The following PEAK1 variants were observed in gnomAD, a reference collection of about 807,000 sequenced individuals.
PEAK1 encodes the protein inactive tyrosine-protein kinase PEAK1.
PEAK1 carries 54 observed loss-of-function variants against 124.7 expected under a neutral mutation model. The ratio of observed to expected loss-of-function variants is 0.43; its 90% CI spans 0.35 to 0.54. The LOEUF is 0.54. Among genes scored for constraint, PEAK1 ranks in the 20% least tolerant of loss-of-function variants. The pLI is 0.01. For missense variants in PEAK1, 2,046 were observed against 2,134.5 expected, an observed-to-expected ratio of 0.96 and a Z score of 0.82; for synonymous variants, 719 against 760.0, an observed-to-expected ratio of 0.95 and a Z score of 0.89.
chr15:77,116,712 CTATCTAT>C (rs2051415443), intron 9 of PEAK1, among the ~76,000 whole-genome samples: 1 of 122,418 alleles, frequency 8.2e-6, no homozygotes, highest in Non-Finnish European at 1.8e-5. Context: ...ATCTATCTAT[CTATCTAT>C]CTATCTATCT....
At chr15:77,136,274 T>G (rs987914756) in intron 8 of PEAK1, among the ~76,000 whole-genome samples, 1 of 151,782 alleles carries the variant, frequency 6.6e-6, no homozygotes, top group Admixed American at 6.6e-5. Context: ...AGACTTAGGG[T>G]ATCTGGCAGA....
chr15:77,171,353 A>T lies in PEAK1; in HGVS notation c.3137+7437T>A, dbSNP rs57769132. ...GAAAATAATTAATCCATTTTATTTT[A>T]AAAAAAACTTGTTTTGTGGCAACAT... is the stretch of plus-strand genomic sequence containing the variant. On this transcript the variant is annotated intron_variant, in intron 7 of 9. Coordinates refer to ENST00000682557, the MANE Select transcript of PEAK1 (RefSeq NM_001385026.1). Among the ~76,000 whole-genome samples the T allele has an allele frequency of 4.9e-3, 743 of 152,154 alleles. 8 individuals are homozygous for T. The highest frequency in any genetic ancestry group is 0.016 in the African/African-American group (660 of 41,534).
At chr15:77,226,270 G>A in intron 6 of PEAK1, among the ~76,000 whole-genome samples, 1 of 148,758 alleles carries the variant, frequency 6.7e-6, no homozygotes. Flanking sequence ...GATCTGAGAT[G>A]TTTGAAAAGA....
chr15:77,387,873 C>T (rs769547048), intron 1 of PEAK1, among the ~76,000 whole-genome samples: 9 of 152,196 alleles, frequency 5.9e-5, no homozygotes, highest in Non-Finnish European at 8.8e-5. Flanking sequence ...TAAAAAGTGA[C>T]TTCAGCATTT....
intron 2 of PEAK1, chr15:77,338,088 C>G: frequency 2.0e-6 from 2 of 983,588 alleles, no homozygotes; most frequent in Non-Finnish European, 2.4e-6. Flanking sequence ...AACTGTATAC[C>G]AATGAAAGGG....
At chr15:77,388,712 C>T (rs1485094305) in intron 1 of PEAK1, among the ~76,000 whole-genome samples, 1 of 151,178 alleles carries the variant, frequency 6.6e-6, no homozygotes, top group Non-Finnish European at 1.5e-5. Context: ...GTTTCTATTT[C>T]TACATTTTCC....
In PEAK1 at chr15:77,321,139, T is replaced by C. The variant is rs564603686; in HGVS notation, c.-602-34635A>G. Among the ~76,000 whole-genome samples, 19 of 152,356 alleles carry C rather than the reference T, an allele frequency of 1.2e-4. No homozygotes were observed. The South Asian group carries it at 1.9e-3, about 15-fold the overall frequency. On this transcript the variant is annotated intron_variant, in intron 2 of 9. Transcript: ENST00000682557. ...AAACATATGTGTGCATGTGTCTTTA[T>C]AGCAGCATGATTTATAATCCTTTGG...
At chr15:77,386,306 C>T (rs1350907105) in intron 1 of PEAK1, among the ~76,000 whole-genome samples, 1 of 152,130 alleles carries the variant, frequency 6.6e-6, no homozygotes, top group Non-Finnish European at 1.5e-5. Flanking sequence ...ATGAGCATCC[C>T]AAGTATTCCT....
At chr15:77,156,212 T>C (rs1596385841) in intron 8 of PEAK1, 1 of 155,050 alleles carries the variant, frequency 6.4e-6, no homozygotes, top group Non-Finnish European at 1.4e-5. Context: ...CAGGCGCCCC[T>C]CCCCCAGCCT....
intron 6 of PEAK1, among the ~76,000 whole-genome samples, chr15:77,227,097 A>AGG (rs1180060685): frequency 6.6e-6 from 1 of 152,218 alleles, no homozygotes; most frequent in Non-Finnish European, 1.5e-5. Context: ...CAGGTCTGAG[A>AGG]GGGGGCTCAA....
chr15:77,104,095 G>C (rs528446317), downstream of PEAK1: 29 of 152,444 alleles, frequency 1.9e-4, no homozygotes, highest in South Asian at 2.1e-3. Context: ...TGGTGGTGGG[G>C]AGAACTGGCT....
At chr15:77,299,903 A>G (rs1451186654) in intron 2 of PEAK1, among the ~76,000 whole-genome samples, 1 of 152,192 alleles carries the variant, frequency 6.6e-6, no homozygotes, top group Non-Finnish European at 1.5e-5. Flanking sequence ...TTATTCAAAG[A>G]GCTACGATTT....
At chr15:77,250,473 C>T (rs1319450272) in intron 6 of PEAK1, among the ~76,000 whole-genome samples, 3 of 151,520 alleles carry the variant, frequency 2.0e-5, no homozygotes, top group Admixed American at 2.0e-4. Flanking sequence ...CGCTCTGCTG[C>T]CCAGACTGGA....
intron 1 of PEAK1, among the ~76,000 whole-genome samples, chr15:77,371,783 G>C (rs777865885): frequency 3.3e-4 from 50 of 152,334 alleles, no homozygotes; most frequent in Non-Finnish European, 5.3e-4. Context: ...AGCTACTCGG[G>C]AGGCTGAGAC....
chr15:77,180,325 T>C lies in PEAK1; in HGVS notation c.1602A>G (p.Val534=), dbSNP rs749221672. The change falls in exon 7 of 10, where the codon GTA becomes GTG. Residue 534 remains valine (V), a synonymous_variant. Coordinates refer to ENST00000682557, the MANE Select transcript of PEAK1 (RefSeq NM_001385026.1). ...QKSSAIRYQE[V]WTSSTSPRQK... Reference sequence around the variant, plus strand: ...GTCGTGGACTGGTGCTAGAAGTCCATACTTCTTGGTATCGAATTGCACTGG... The same window carrying C: ...GTCGTGGACTGGTGCTAGAAGTCCACACTTCTTGGTATCGAATTGCACTGG... 1.2e-6 allele frequency: 2 copies of C among 1,613,892 alleles called. No homozygotes were observed. The highest frequency in any genetic ancestry group is 3.3e-5 in the Admixed American group (2 of 60,026).
chr15:77,329,253 G>T (rs772458832), intron 2 of PEAK1, among the ~76,000 whole-genome samples: 7 of 152,052 alleles, frequency 4.6e-5, no homozygotes, highest in Non-Finnish European at 8.8e-5. Flanking sequence ...ACCTGGAGGG[G>T]TTCTTCTGAG....
intron 5 of PEAK1, chr15:77,255,359 C>A: frequency 1.0e-6 from 1 of 982,150 alleles, no homozygotes; most frequent in Non-Finnish European, 1.2e-6. Flanking sequence ...TCCATTTATT[C>A]CAAGCTTCTG....
Position 77,403,202 on chromosome 15 carries a change from C to G in PEAK1, c.-666+16804G>C, listed in dbSNP as rs1051835037. On this transcript the variant is annotated intron_variant, in intron 1 of 9. Coordinates refer to ENST00000682557, the MANE Select transcript of PEAK1 (RefSeq NM_001385026.1). ...TGGCCTCCAATGAGATTGTATTTGT[C>G]TCTCAAACTGCTGATTGGGTATGGT... 5.1e-6 allele frequency: 5 copies of G among 985,250 alleles called. No homozygotes were observed. The African/African-American group carries it at 7.0e-5, about 14-fold the overall frequency. The allele number at this position is 985,250 out of a possible 1,614,324, so 61.0% of individuals were successfully genotyped here. A position where few individuals can be genotyped will look rare whatever the true frequency, so the allele number is the denominator to read the frequency against.
At chr15:77,413,679 C>T (rs1372491866) in intron 1 of PEAK1, among the ~76,000 whole-genome samples, 1 of 152,146 alleles carries the variant, frequency 6.6e-6, no homozygotes, top group African/African-American at 2.4e-5. Context: ...AAAAAGAATA[C>T]TAGAAAAACT....
Sources: allele counts gnomAD v4.1 joint callset (sites outside exome capture counted in the v4.1 genomes callset), GRCh38; gene constraint gnomAD v4.1.1; transcripts MANE v1.5; gene names NCBI Gene and HGNC (gene_info 2026-07-23, HGNC 2026-07-21).